SUGCT: variants seen among roughly 807,000 people sequenced by gnomAD.
SUGCT encodes succinyl-CoA:glutarate-CoA transferase, also known as succinyl-CoA:glutarate CoA-transferase.
Under a neutral mutation model 55.0 loss-of-function variants are expected in SUGCT, and 41 were observed. The observed-to-expected ratio is 0.74, with a 90% CI of 0.58 to 0.97. The LOEUF (loss-of-function observed/expected upper bound fraction) is 0.97. SUGCT is among the 50% of genes least tolerant of loss of function. SUGCT has a pLI of 0.00. For synonymous variants in SUGCT, 187 were observed against 200.4 expected, an observed-to-expected ratio of 0.93 and a Z score of 0.56; for missense variants, 568 against 547.8, an observed-to-expected ratio of 1.04 and a Z score of -0.37.
chr7:40,908,428 A>G, the SUGCT span, among the ~76,000 whole-genome samples: 1 of 151,820 alleles, frequency 6.6e-6, no homozygotes, highest in African/African-American at 2.4e-5. Flanking sequence ...AGTTTACTAG[A>G]AATCAAAGAC....
At chr7:40,285,493 G>GC (rs1562645955) in intron 8 of SUGCT, among the ~76,000 whole-genome samples, 1 of 51,526 alleles carries the variant, frequency 1.9e-5, no homozygotes, top group African/African-American at 9.2e-5. Flanking sequence ...TTCTTTTTTC[G>GC]GGGGGGGGCA....
intron 12 of SUGCT, among the ~76,000 whole-genome samples, chr7:40,746,147 C>A: frequency 6.6e-6 from 1 of 152,066 alleles, no homozygotes; most frequent in African/African-American, 2.4e-5. Flanking sequence ...AAGTGTCAAA[C>A]GTGAAAGGGT....
intron 12 of SUGCT, among the ~76,000 whole-genome samples, chr7:40,528,151 A>G (rs1045120141): frequency 6.6e-6 from 1 of 152,184 alleles, no homozygotes; most frequent in Non-Finnish European, 1.5e-5. Flanking sequence ...ACTACAGTGA[A>G]GATTGAATGA....
At chr7:40,280,648 C>G (rs1350014773) in intron 8 of SUGCT, among the ~76,000 whole-genome samples, 1 of 152,108 alleles carries the variant, frequency 6.6e-6, no homozygotes, top group African/African-American at 2.4e-5. Context: ...ATCATTTTGA[C>G]TGATAAACTT....
chr7:40,943,205 T>C, the SUGCT span, among the ~76,000 whole-genome samples: 1 of 151,656 alleles, frequency 6.6e-6, no homozygotes, highest in African/African-American at 2.4e-5. Flanking sequence ...CTAATTATTT[T>C]TAATTTATTT....
chr7:40,534,146 T>C (rs138099753), intron 12 of SUGCT, among the ~76,000 whole-genome samples: 142 of 152,332 alleles, frequency 9.3e-4, no homozygotes, highest in African/African-American at 3.2e-3. Context: ...GATCTTACTA[T>C]GTTCTCTTAA....
At chr7:40,503,282 C>T (rs1792394779) in intron 12 of SUGCT, among the ~76,000 whole-genome samples, 1 of 152,062 alleles carries the variant, frequency 6.6e-6, no homozygotes, top group Non-Finnish European at 1.5e-5. Flanking sequence ...TTACTTATCG[C>T]TTTAATATAA....
chr7:40,516,311 A>T (rs1244356606), intron 12 of SUGCT, among the ~76,000 whole-genome samples: 1 of 152,120 alleles, frequency 6.6e-6, no homozygotes, highest in Non-Finnish European at 1.5e-5. Flanking sequence ...TCTTGATTGT[A>T]TTCTTTGACA....
At chr7:40,772,160 T>C (rs1306762880) in intron 13 of SUGCT, among the ~76,000 whole-genome samples, 1 of 152,134 alleles carries the variant, frequency 6.6e-6, no homozygotes, top group Non-Finnish European at 1.5e-5. Context: ...TCCCTTCTTC[T>C]TCACTTTCCA....
chr7:40,550,282 G>A (rs997892300), intron 12 of SUGCT, among the ~76,000 whole-genome samples: 11 of 152,094 alleles, frequency 7.2e-5, no homozygotes, highest in African/African-American at 2.7e-4. Context: ...CTCTGCTATT[G>A]GTTGTATCTC....
At chr7:40,976,632 C>T in the SUGCT span, among the ~76,000 whole-genome samples, 1 of 152,130 alleles carries the variant, frequency 6.6e-6, no homozygotes, top group Non-Finnish European at 1.5e-5. Flanking sequence ...GGCTTTTTGT[C>T]ACCTCTCACT....
intron 12 of SUGCT, among the ~76,000 whole-genome samples, chr7:40,576,876 A>G (rs1369501460): frequency 2.0e-5 from 3 of 152,214 alleles, no homozygotes; most frequent in Admixed American, 6.5e-5. Context: ...CCCCCAGGAA[A>G]TAACTCAGAA....
At chr7:40,735,422 T>A (rs1341910222) in intron 12 of SUGCT, among the ~76,000 whole-genome samples, 1 of 152,158 alleles carries the variant, frequency 6.6e-6, no homozygotes, top group Non-Finnish European at 1.5e-5. Context: ...TACAGTGACA[T>A]CTGGAGAACC....
intron 10 of SUGCT, 66 bp from the exon 11 acceptor site, chr7:40,459,035 T>G: frequency 1.0e-6 from 1 of 998,210 alleles, no homozygotes; most frequent in Non-Finnish European, 1.6e-6. Flanking sequence ...ACCTGAACAC[T>G]AGCACCCACA....
In SUGCT at chr7:40,222,380, C is replaced by T. The variant is rs150307037; in HGVS notation, c.485-15255C>T. On this transcript the variant is annotated intron_variant, in intron 6 of 13. Transcript: ENST00000335693. ...TGCCCATACCTCTTCTCTGTGTTCTCCAGTCCCTCAACCTTATATCCAGCC... is the reference window on the plus strand; with the variant it reads ...TGCCCATACCTCTTCTCTGTGTTCTTCAGTCCCTCAACCTTATATCCAGCC... 4.6e-3 allele frequency among the ~76,000 whole-genome samples: 700 copies of T among 152,330 alleles called. 7 individuals are homozygous for T. The highest frequency in any genetic ancestry group is 0.016 in the African/African-American group (676 of 41,592).
chr7:40,614,539 A>T (rs1022054827), intron 12 of SUGCT, among the ~76,000 whole-genome samples: 6 of 152,176 alleles, frequency 3.9e-5, no homozygotes, highest in Admixed American at 3.9e-4. Context: ...ATTGCTATAG[A>T]TGGAAATAGG....
At chr7:40,381,528 A>C (rs1172884009) in intron 9 of SUGCT, among the ~76,000 whole-genome samples, 1 of 152,132 alleles carries the variant, frequency 6.6e-6, no homozygotes, top group Non-Finnish European at 1.5e-5. Context: ...AAAAACCCTA[A>C]ATCTGTTGAC....
intron 6 of SUGCT, among the ~76,000 whole-genome samples, chr7:40,229,956 A>C (rs1788626110): frequency 6.6e-6 from 1 of 152,230 alleles, no homozygotes; most frequent in South Asian, 2.1e-4. Context: ...CTTACTATGA[A>C]ACATTTTATT....
At chr7:41,035,037 G>T in the SUGCT span, among the ~76,000 whole-genome samples, 1 of 152,172 alleles carries the variant, frequency 6.6e-6, no homozygotes, top group Non-Finnish European at 1.5e-5. Flanking sequence ...CACTGATCTG[G>T]CCTTTGTCCC....
Sources: allele counts gnomAD v4.1 joint callset (sites outside exome capture counted in the v4.1 genomes callset), GRCh38; gene constraint gnomAD v4.1.1; transcripts MANE v1.5; gene names NCBI Gene and HGNC (gene_info 2026-07-23, HGNC 2026-07-21).